The following AGRN variants were observed in gnomAD, a reference collection of about 807,000 sequenced individuals.
AGRN encodes the protein agrin.
A neutral mutation model predicts 211.0 loss-of-function variants in AGRN; 106 were observed. The ratio of observed to expected loss-of-function variants is 0.50; its 90% CI spans 0.43 to 0.59. The LOEUF (loss-of-function observed/expected upper bound fraction) is 0.59, where lower values mean the gene tolerates loss of function less well. Ranked by LOEUF, AGRN falls within the 20% of genes least tolerant of loss-of-function variation. The pLI is 0.00. For missense variants in AGRN, 3,040 were observed against 2,982.6 expected, an observed-to-expected ratio of 1.02 and a Z score of -0.45; for synonymous variants, 1,525 against 1,332.5, an observed-to-expected ratio of 1.14 and a Z score of -3.15.
chr1:1,046,341 T>C lies in AGRN; in HGVS notation c.2912-56T>C, dbSNP rs1645092112. 6 of 1,596,104 alleles carry C rather than the reference T, an allele frequency of 3.8e-6. No individual in the cohort carries two copies. The Admixed American group carries it at 1.0e-4, about 27-fold the overall frequency. On this transcript the variant is annotated intron_variant, in intron 17 of 35. Transcript: ENST00000379370. ...GCCCTAAATCCAGCCCCACCCGCCC[T>C]GAGCCACCTGACCCTGTCCCAACCG...
rs781438328 is a variant in AGRN at position 1,052,011 on chromosome 1, C to G, written c.5651+196C>G. The G allele has an allele frequency of 2.1e-5, 33 of 1,535,972 alleles. 1 individual carries two copies. In the South Asian group the frequency reaches 3.6e-4, roughly 17 times the overall value. On this transcript the variant is annotated intron_variant, in intron 33 of 35. Coordinates refer to ENST00000379370, the MANE Select transcript of AGRN (RefSeq NM_198576.4). ...TTCCAAGCGAACTGGCCAATGAGAT[C>G]CCCGTGTGAGTAGAGCTCGGCGCCC... is the stretch of plus-strand genomic sequence containing the variant.
Position 1,045,838 on chromosome 1 carries a change from C to T in AGRN, c.2642C>T (p.Pro881Leu). The stretch of plus-strand genomic sequence containing the variant: ...GCTGGACCCAAGTGTGGGCAGTGTC[C>T]AGACGGCCGTGCCCTGGGCCCCGCG... The part of the protein sequence containing the change: ...GVAGPKCGQC[P>L]DGRALGPAGC... Residue 881 changes from proline (P) to leucine (L), a missense_variant, in exon 15 of 36, where the codon CCA becomes CTA. This residue lies in a region of AGRN where 1,498 missense variants were observed against 1,457.8 expected (regional missense o/e 1.03). Transcript: ENST00000379370. 1 of 1,612,196 alleles carries T rather than the reference C, an allele frequency of 6.2e-7. No individual in the cohort carries two copies. Among genetic ancestry groups the T allele is most frequent in the Non-Finnish European group, 8.5e-7 (1 of 1,179,890 alleles).
Position 1,043,585 on chromosome 1 carries a change from G to T in AGRN, c.1651G>T (p.Gly551Trp). 6.2e-7 allele frequency: 1 copy of T among 1,605,114 alleles called. No homozygotes were observed. The highest frequency in any genetic ancestry group is 8.5e-7 in the Non-Finnish European group (1 of 1,179,794). ...TGGAGCCCTGTGCGAGGCCGAGACCGGGCGCTGCGTGTGCCCCTCTGAATG... is the reference window on the plus strand; with the variant it reads ...TGGAGCCCTGTGCGAGGCCGAGACCTGGCGCTGCGTGTGCCCCTCTGAATG... ...RFGALCEAETGRCVCPSECVA... is the reference protein window; with the variant it reads ...RFGALCEAETWRCVCPSECVA... Residue 551 changes from glycine (G) to tryptophan (W), a missense_variant, in exon 9 of 36, where the codon GGG becomes TGG. Gly to Trp is a radical substitution (Grantham distance 184, BLOSUM62 -2). This residue lies in a region of AGRN where 1,498 missense variants were observed against 1,457.8 expected (regional missense o/e 1.03). Transcript: ENST00000379370.
At chr1:1,023,663 C>G (rs1644458805) in intron 2 of AGRN, among the ~76,000 whole-genome samples, 1 of 152,304 alleles carries the variant, frequency 6.6e-6, no homozygotes, top group East Asian at 1.9e-4. Flanking sequence ...AACCCCACAG[C>G]CAGGTGGGTC....
chr1:1,025,267 G>A (rs1035679234), intron 2 of AGRN, among the ~76,000 whole-genome samples: 2 of 152,136 alleles, frequency 1.3e-5, no homozygotes, highest in African/African-American at 2.4e-5. Context: ...CCGGGGTCCC[G>A]GCGGCCTAGT....
At chr1:1,021,328 C>G (rs1162608745) in intron 1 of AGRN, among the ~76,000 whole-genome samples, 1 of 152,222 alleles carries the variant, frequency 6.6e-6, no homozygotes, top group East Asian at 1.9e-4. Context: ...CAGGCCCTCC[C>G]CCTGCCTGGG....
chr1:1,052,156 G>A (rs1204219540), intron 33 of AGRN: 3 of 1,116,252 alleles, frequency 2.7e-6, no homozygotes, highest in East Asian at 4.9e-5. Context: ...TTGGCTGCAA[G>A]AGGCCGTTTC....
chr1:1,047,951 T>G, intron 22 of AGRN, 56 bp downstream of exon 22: 1 of 1,582,064 alleles, frequency 6.3e-7, no homozygotes, highest in Admixed American at 1.8e-5. Context: ...CCCATGCCCC[T>G]GCCCCTCACC....
chr1:1,026,623 A>G (rs1443095031), intron 2 of AGRN, among the ~76,000 whole-genome samples: 1 of 152,046 alleles, frequency 6.6e-6, no homozygotes, highest in African/African-American at 2.4e-5. Context: ...GTGGGGCAGG[A>G]ACGGACCCCC....
chr1:1,046,874 G>C lies in AGRN; in HGVS notation c.3305G>C (p.Arg1102Thr). 1 of 1,587,466 alleles carries C rather than the reference G, an allele frequency of 6.3e-7. No individual in the cohort carries two copies. Among genetic ancestry groups the C allele is most frequent in the South Asian group, 1.1e-5 (1 of 87,284 alleles). Residue 1102 changes from arginine (R) to threonine (T), a missense_variant, in exon 19 of 36, where the codon AGG (arginine) becomes ACG (threonine). Arg to Thr is a moderately conservative substitution (Grantham distance 71). Transcript: ENST00000379370. ...GCCACCCCTGGGCCACCTGTCGAGA[G>C]GGCTTCCTGCTACAACTCCGCGTTG... Reference protein sequence around the residue: ...SVATPGPPVERASCYNSALGC... With the variant: ...SVATPGPPVETASCYNSALGC...
chr1:1,023,735 A>C (rs982390183), intron 2 of AGRN, among the ~76,000 whole-genome samples: 10 of 152,290 alleles, frequency 6.6e-5, no homozygotes, highest in Admixed American at 5.9e-4. Flanking sequence ...GGCACATGGC[A>C]GGAGAGTCAC....
At position 1,054,558 on chromosome 1, in the gene AGRN, G is replaced by A. The variant is rs1396182816; in HGVS notation, c.5980+7G>A. 6.3e-7 allele frequency: 1 copy of A among 1,582,176 alleles called. No homozygotes were observed. Among genetic ancestry groups the A allele is most frequent in the Admixed American group, 1.8e-5 (1 of 55,278 alleles). ...GATGGAGCCCTGTGGCTTGGTGAGT[G>A]TTTTGGGGAGACTAGAGAGGGATGC... On this transcript the variant is annotated splice_region_variant and intron_variant, in intron 35 of 35. Coordinates refer to ENST00000379370, the MANE Select transcript of AGRN (RefSeq NM_198576.4).
rs1491560733 is a variant in AGRN at position 1,035,167 on chromosome 1, GGT to G, written c.464-108_464-107del. The G allele has an allele frequency of 1.4e-3, 1,580 of 1,159,540 alleles. 7 individuals carry two copies. Among genetic ancestry groups the G allele is most frequent in the South Asian group, 8.2e-3 (617 of 75,130 alleles). 71.8% of individuals were successfully genotyped at this position (1,159,540 alleles called of 1,614,324 possible). ...AGCAGCCTGGATCCCTGGGGCTAGC[GGT>G]GGGGGGGGGGGGGTGGGCAGGGGTG... On this transcript the variant is annotated intron_variant, in intron 2 of 35. Transcript: ENST00000379370.
At chr1:1,033,548 G>A (rs1644722182) in intron 2 of AGRN, among the ~76,000 whole-genome samples, 1 of 151,214 alleles carries the variant, frequency 6.6e-6, no homozygotes, top group Admixed American at 6.6e-5. Flanking sequence ...GCTGCCCGGC[G>A]CGACCCCTGC....
chr1:1,050,502 G>C lies in AGRN; in HGVS notation c.5052G>C (p.Thr1684=), dbSNP rs150178666. 2 of 1,612,782 alleles carry C rather than the reference G, an allele frequency of 1.2e-6. No homozygotes were observed. Among genetic ancestry groups the C allele is most frequent in the East Asian group, 2.2e-5 (1 of 44,886 alleles). ...SGLLLYNGQK[T]DGKGDFVSLA... is the part of the protein sequence containing the mutation. ...TCCTGCTCTACAACGGGCAGAAGACGGACGGCAAGGGGGACTTCGTGTCGC... is the reference window on the plus strand; with the variant it reads ...TCCTGCTCTACAACGGGCAGAAGACCGACGGCAAGGGGGACTTCGTGTCGC... Residue 1684 remains threonine, a synonymous_variant, in exon 29 of 36, where the codon ACG becomes ACC. Transcript: ENST00000379370.
intron 9 of AGRN, 43 bp downstream of exon 9, chr1:1,043,775 T>TC: frequency 6.2e-7 from 1 of 1,605,304 alleles, no homozygotes; most frequent in Non-Finnish European, 8.5e-7. Context: ...GTCCTGTGCC[T>TC]CCCTCAGCCT....
chr1:1,051,582 C>T lies in AGRN; in HGVS notation c.5500C>T (p.Pro1834Ser). Residue 1834 changes from proline to serine, a missense_variant, in exon 32 of 36, where the codon CCG becomes TCG. This residue lies in a region of AGRN where 1,537 missense variants were observed against 1,505.0 expected (regional missense o/e 1.02). Transcript: ENST00000379370. ...CTGCCTCAATGGGGCCTCCTGCGTC[C>T]CGAGGGAGGCTGCCTATGTGTGCCT... Reference protein sequence around the residue: ...HPCLNGASCVPREAAYVCLCP... With the variant: ...HPCLNGASCVSREAAYVCLCP... The T allele has an allele frequency of 6.2e-7, 1 of 1,600,386 alleles. No homozygotes were observed. The highest frequency in any genetic ancestry group is 8.5e-7 in the Non-Finnish European group (1 of 1,172,316).
intron 1 of AGRN, among the ~76,000 whole-genome samples, chr1:1,021,532 C>G (rs1557681174): frequency 6.6e-6 from 1 of 152,242 alleles, no homozygotes; most frequent in Admixed American, 6.5e-5. Flanking sequence ...CTTCTCCCGG[C>G]TTTGTTCTCA....
At chr1:1,021,712 G>T (rs1401963920) in intron 1 of AGRN, among the ~76,000 whole-genome samples, 1 of 152,262 alleles carries the variant, frequency 6.6e-6, no homozygotes, top group East Asian at 1.9e-4. Context: ...TTCACAGGCT[G>T]CCCTGAGTGC....
Sources: gnomAD v4.1 joint callset for allele counts (sites outside exome capture counted in the v4.1 genomes callset) on GRCh38, gnomAD v4.1.1 for gene constraint, gnomAD v4.1.1 regional missense constraint, MANE v1.5 for transcripts, NCBI Gene and HGNC (gene_info 2026-07-23, HGNC 2026-07-21) for gene names.